TMC2: variants seen among roughly 807,000 people sequenced by gnomAD.
The protein encoded by TMC2 is transmembrane channel like 2, also known as transmembrane channel-like protein 2.
TMC2 carries 102 observed loss-of-function variants against 105.9 expected under a neutral mutation model. That is an observed-to-expected ratio of 0.96 (90% confidence interval 0.82 to 1.14). TMC2 has a LOEUF of 1.14. Ranked by LOEUF, TMC2 falls within the 50% of genes most tolerant of loss-of-function variation. The probability of loss-of-function intolerance (pLI) is 0.00; values close to 1 mark genes in which losing one functional copy is unlikely to be tolerated. For synonymous variants in TMC2, 402 were observed against 422.8 expected, an observed-to-expected ratio of 0.95 and a Z score of 0.60; for missense variants, 1,093 against 1,134.3, an observed-to-expected ratio of 0.96 and a Z score of 0.52.
intron 16 of TMC2, chr20:2,618,221 G>GAT (rs1193072683): frequency 1.3e-5 from 2 of 152,690 alleles, no homozygotes; most frequent in African/African-American, 4.8e-5. Flanking sequence ...ACCTCCATGA[G>GAT]ATCCACTTTT....
intron 11 of TMC2, among the ~76,000 whole-genome samples, chr20:2,609,719 C>T (rs375517267): frequency 1.3e-5 from 2 of 152,000 alleles, no homozygotes; most frequent in East Asian, 1.9e-4. Context: ...TGGACAGGTA[C>T]GGAGATGATG....
intron 5 of TMC2, 55 bp from the exon 6 acceptor site, chr20:2,579,091 T>G: frequency 9.8e-7 from 1 of 1,025,058 alleles, no homozygotes; most frequent in Non-Finnish European, 1.5e-6. Context: ...TCATGCCCCT[T>G]TGTGCTCCAG....
chr20:2,618,019 T>G (rs541442320), intron 16 of TMC2: 1 of 152,348 alleles, frequency 6.6e-6, no homozygotes, highest in African/African-American at 2.4e-5. Flanking sequence ...CCTAAACATT[T>G]ATCTTTTCTT....
rs778523267 is a variant in TMC2 at position 2,617,194 on chromosome 20, C to T, written c.2063C>T (p.Ala688Val). The change falls in exon 16 of 20, where the codon GCC becomes GTC. Residue 688 changes from alanine to valine, a missense_variant. Physicochemically the swap from Ala to Val is moderately conservative, Grantham distance 64. Transcript: ENST00000358864. ...GTACCCCATGAACGCGTGTTCAAAG[C>T]CTCCCGATCCAACAACTTCTACATG... ...SNVPHERVFK[A>V]SRSNNFYMGL... 6.2e-7 allele frequency: 1 copy of T among 1,614,212 alleles called. No individual in the cohort carries two copies. Among genetic ancestry groups the T allele is most frequent in the Non-Finnish European group, 8.5e-7 (1 of 1,180,034 alleles).
rs954818677 is a variant in TMC2, at chr20:2,636,005, G to A, written c.2385+1G>A. On this transcript the variant is annotated splice_donor_variant, in intron 18 of 19. Coordinates refer to ENST00000358864, the MANE Select transcript of TMC2 (RefSeq NM_080751.3). LOFTEE classifies it high-confidence loss of function. Reference sequence around the variant, plus strand: ...CCAGCTGAGGAAGAAAATCCAAGTGGTGAGTCTGTTGGGAGTTTCATCCTG... The same window carrying A: ...CCAGCTGAGGAAGAAAATCCAAGTGATGAGTCTGTTGGGAGTTTCATCCTG... 5.0e-6 allele frequency: 8 copies of A among 1,613,508 alleles called. No homozygotes were observed. The Admixed American group carries it at 1.0e-4, about 20-fold the overall frequency.
intron 2 of TMC2, among the ~76,000 whole-genome samples, chr20:2,551,204 C>A (rs1247632873): frequency 6.6e-6 from 1 of 152,264 alleles, no homozygotes; most frequent in East Asian, 1.9e-4. Flanking sequence ...TCACAGTTCC[C>A]TAATGACATA....
chr20:2,542,804 G>T (rs1292889181), intron 2 of TMC2, among the ~76,000 whole-genome samples: 1 of 150,718 alleles, frequency 6.6e-6, no homozygotes, highest in Non-Finnish European at 1.5e-5. Flanking sequence ...CAATTCTCCT[G>T]TCTCAGCCTC....
chr20:2,554,502 T>C (rs920719286), intron 2 of TMC2, among the ~76,000 whole-genome samples: 5 of 152,206 alleles, frequency 3.3e-5, no homozygotes, highest in Admixed American at 1.3e-4. Flanking sequence ...TTTAATTTGT[T>C]CTTTTTTAGT....
chr20:2,608,754 G>A (rs1351281189), intron 11 of TMC2, among the ~76,000 whole-genome samples: 1 of 152,160 alleles, frequency 6.6e-6, no homozygotes, highest in Non-Finnish European at 1.5e-5. Flanking sequence ...TCAGGTATGA[G>A]TTTAAATGTT....
At chr20:2,546,529 G>T (rs896390358) in intron 2 of TMC2, among the ~76,000 whole-genome samples, 2 of 51,240 alleles carry the variant, frequency 3.9e-5, no homozygotes, top group Non-Finnish European at 8.3e-5. Context: ...CTACATCTGA[G>T]GCTGTCTGCT....
Position 2,638,213 on chromosome 20 carries a change from C to T in TMC2, c.2503+622C>T, listed in dbSNP as rs562473335. ...AAAATTAGCCGGGCGTGGTGGCGGG[C>T]GCCTGTAGTCCCAGCTGCTTGGGAG... On this transcript the variant is annotated intron_variant, in intron 19 of 19. Transcript: ENST00000358864. Among the ~76,000 whole-genome samples, 505 of 152,146 alleles carry T rather than the reference C, an allele frequency of 3.3e-3. 1 individual carries two copies. The highest frequency in any genetic ancestry group is 5.3e-3 in the Non-Finnish European group (362 of 68,014).
At chr20:2,641,058 G>C (rs1284030182) in intron 19 of TMC2, 76 bp from the exon 20 acceptor site, 18 of 1,301,286 alleles carry the variant, frequency 1.4e-5, no homozygotes, top group Non-Finnish European at 1.8e-5. Context: ...CACACCGCAG[G>C]GCGACTCCAG....
intron 16 of TMC2, among the ~76,000 whole-genome samples, chr20:2,623,269 G>T (rs1459269145): frequency 2.0e-5 from 3 of 152,080 alleles, no homozygotes; most frequent in African/African-American, 4.8e-5. Context: ...CGGGCACAGT[G>T]GTTCACGCCT....
Position 2,572,282 on chromosome 20 carries a change from G to A in TMC2, c.645+13G>A. ...GCTGATGGCCAAGGTGTGTGGGGTG[G>A]GGGCAGTGAATCTGTTGGGAGGGCT... On this transcript the variant is annotated intron_variant, in intron 5 of 19. Transcript: ENST00000358864. 4 of 1,600,542 alleles carry A rather than the reference G, an allele frequency of 2.5e-6. No individual in the cohort carries two copies. The highest frequency in any genetic ancestry group is 3.4e-6 in the Non-Finnish European group (4 of 1,168,132).
rs915064991 is a variant in TMC2 at position 2,602,540 on chromosome 20, T to G, written c.1413+239T>G. On this transcript the variant is annotated intron_variant, in intron 11 of 19. Coordinates refer to ENST00000358864, the MANE Select transcript of TMC2 (RefSeq NM_080751.3). ...GGATTAGCAACTGGATAGCCACCTG[T>G]GCAACACCAATTACTAACGAGGCGA... Among the ~76,000 whole-genome samples the G allele has an allele frequency of 3.9e-5, 6 of 152,250 alleles. No individual in the cohort carries two copies. The East Asian group carries it at 7.7e-4, about 19-fold the overall frequency.
Position 2,595,556 on chromosome 20 carries a change from G to C in TMC2, c.1076+589G>C, listed in dbSNP as rs1284204190. The stretch of plus-strand genomic sequence containing the variant: ...ACTCTACTTGTCTCTGTGGTCAGAA[G>C]TGGCCTTTTAATATGTCTGTAACTC... On this transcript the variant is annotated intron_variant, in intron 9 of 19. Transcript: ENST00000358864. 3.3e-5 allele frequency among the ~76,000 whole-genome samples: 5 copies of C among 152,208 alleles called. No homozygotes were observed. The East Asian group carries it at 5.8e-4, about 18-fold the overall frequency.
chr20:2,582,586 G>A (rs763810759), intron 7 of TMC2, among the ~76,000 whole-genome samples: 52 of 151,900 alleles, frequency 3.4e-4, no homozygotes, highest in Admixed American at 1.6e-3. Flanking sequence ...AGCAATTCTC[G>A]TGCCTCAGCC....
At chr20:2,574,879 C>T (rs2086132453) in intron 5 of TMC2, among the ~76,000 whole-genome samples, 1 of 152,202 alleles carries the variant, frequency 6.6e-6, no homozygotes, top group African/African-American at 2.4e-5. Flanking sequence ...GCATGCGCCA[C>T]CATACCCGGC....
chr20:2,570,650 T>C lies in TMC2; in HGVS notation c.555-1529T>C, dbSNP rs2086096734. ...TTTTTCACAGAAATAGAAAAAAAGA[T>C]TCTAAAATTCACAGGAACCAAAAAT... On this transcript the variant is annotated intron_variant, in intron 4 of 19. Coordinates refer to ENST00000358864, the MANE Select transcript of TMC2 (RefSeq NM_080751.3). Among the ~76,000 whole-genome samples, 3 of 151,692 alleles carry C rather than the reference T, an allele frequency of 2.0e-5. No individual in the cohort carries two copies. The South Asian group carries it at 6.2e-4, about 31-fold the overall frequency.
Sources: gnomAD v4.1 joint callset for allele counts (sites outside exome capture counted in the v4.1 genomes callset) on GRCh38, gnomAD v4.1.1 for gene constraint, MANE v1.5 for transcripts, NCBI Gene and HGNC (gene_info 2026-07-23, HGNC 2026-07-21) for gene names.